Variants in ATG4D observed in about 807,000 individuals in gnomAD.
The protein encoded by ATG4D is autophagy related 4D cysteine peptidase.
In ATG4D, 51 loss-of-function variants were observed where a neutral mutation model predicts 55.2. That is an observed-to-expected ratio of 0.92 (90% confidence interval 0.74 to 1.17). The LOEUF is 1.17. Among genes scored for constraint, ATG4D ranks in the 50% most tolerant of loss-of-function variants. ATG4D has a pLI of 0.00. For missense variants in ATG4D, 635 were observed against 649.6 expected (o/e 0.98, Z 0.25); for synonymous variants, 268 against 266.2 (o/e 1.01, Z -0.07).
chr19:10,549,377 C>T (rs1916150819), intron 6 of ATG4D, among the ~76,000 whole-genome samples: 1 of 152,104 alleles, frequency 6.6e-6, no homozygotes, highest in South Asian at 2.1e-4. Flanking sequence ...CCCACCTCGG[C>T]CTCCCAAAGT....
Position 10,544,243 on chromosome 19 carries a change from T to C in ATG4D, c.153T>C (p.Ser51=). Residue 51 remains serine, a synonymous_variant, in exon 1 of 10, where the codon TCT becomes TCC. Coordinates refer to ENST00000309469, the MANE Select transcript of ATG4D (RefSeq NM_032885.6). ...PSGASGPALG[S]PGAGPSEPDE... ...GAGCCAGCGGCCCCGCTCTTGGCTC[T>C]CCCGGGGCTGGCCCGAGTGAGCCGG... The C allele has an allele frequency of 7.9e-7, 1 of 1,260,708 alleles. No homozygotes were observed. The highest frequency in any genetic ancestry group is 1.0e-6 in the Non-Finnish European group (1 of 994,646). The allele number at this position is 1,260,708 out of a possible 1,614,324, so 78.1% of individuals were successfully genotyped here. A position where few individuals can be genotyped will look rare whatever the true frequency, so the allele number is the denominator to read the frequency against.
At chr19:10,549,427 T>A (rs2144692353) in intron 6 of ATG4D, among the ~76,000 whole-genome samples, 1 of 146,032 alleles carries the variant, frequency 6.8e-6, no homozygotes, top group East Asian at 2.0e-4. Context: ...GGGCCATCCC[T>A]TTTTTTTTGA....
At chr19:10,547,283 GC>G in intron 5 of ATG4D, 30 bp downstream of exon 5, 1 of 1,605,122 alleles carries the variant, frequency 6.2e-7, no homozygotes. Context: ...GATCACAGGG[GC>G]CCCACCCTGA....
In ATG4D at chr19:10,548,914, G is replaced by A. The variant is rs531176373; in HGVS notation, c.846G>A (p.Ala282=). 1.9e-5 allele frequency: 30 copies of A among 1,614,072 alleles called. No homozygotes were observed. In the Admixed American group the frequency reaches 2.8e-4, roughly 15 times the overall value. The change falls in exon 6 of 10, where the codon GCG becomes GCA. Residue 282 remains alanine (A), a synonymous_variant. Coordinates refer to ENST00000309469, the MANE Select transcript of ATG4D (RefSeq NM_032885.6). ...YVSQDCTVYK[A]DVARLVARPD... ...GTCCCGTCCCTCCAGTGTACAAGGC[G>A]GATGTGGCACGCCTGGTGGCCAGGC... is the stretch of plus-strand genomic sequence containing the variant.
In ATG4D at chr19:10,551,750, C is replaced by T. The variant is rs901311967; in HGVS notation, c.967-147C>T. ...GTAATCATCTTCCTTGTTAGTCTCT[C>T]ACACTAGGATGTCAGCTCCTGAGGG... On this transcript the variant is annotated intron_variant, in intron 6 of 9. Coordinates refer to ENST00000309469, the MANE Select transcript of ATG4D (RefSeq NM_032885.6). The T allele has an allele frequency of 1.1e-5, 7 of 649,432 alleles. No homozygotes were observed. The African/African-American group carries it at 1.1e-4, about 10-fold the overall frequency. 40.2% of individuals were successfully genotyped at this position (649,432 alleles called of 1,614,324 possible).
Position 10,552,930 on chromosome 19 carries a change from C to G in ATG4D, c.1288C>G (p.Leu430Val). ...SATERYPMFT[L>V]AEGHAQDHSL... ...CACAGAGCGGTACCCCATGTTCACC[C>G]TGGCCGAGGGCCATGCTCAGGACCA... Residue 430 changes from leucine (L) to valine (V), a missense_variant, in exon 10 of 10, where the codon CTG becomes GTG. By Grantham distance (32) the Leu-to-Val change is conservative. Transcript: ENST00000309469. The G allele has an allele frequency of 6.2e-7, 1 of 1,613,602 alleles. No individual in the cohort carries two copies. The highest frequency in any genetic ancestry group is 2.2e-5 in the East Asian group (1 of 44,876).
rs199919816 is a variant in ATG4D at position 10,547,221 on chromosome 19, G to T, written c.803G>T (p.Arg268Leu). ...GTGGAGAGCTGCTCCGACGTCACCC[G>T]CCTGGTGGTGTACGTTTCTCAGGAC... ...KAVESCSDVT[R>L]LVVYVSQDCT... Residue 268 changes from arginine to leucine, a missense_variant, in exon 5 of 10, where the codon CGC (arginine) becomes CTC (leucine). Arg to Leu is a moderately radical substitution (Grantham distance 102). Coordinates refer to ENST00000309469, the MANE Select transcript of ATG4D (RefSeq NM_032885.6). The T allele has an allele frequency of 3.5e-5, 56 of 1,613,808 alleles. No homozygotes were observed. Among genetic ancestry groups the T allele is most frequent in the Non-Finnish European group, 4.5e-5 (53 of 1,179,944 alleles).
intron 9 of ATG4D, 36 bp downstream of exon 9, chr19:10,552,360 G>T (rs1167483212): frequency 1.3e-6 from 2 of 1,592,648 alleles, no homozygotes; most frequent in Non-Finnish European, 8.5e-7. Context: ...GGTGAGGGGG[G>T]CGGTTGGGCA....
chr19:10,552,073 C>T lies in ATG4D; in HGVS notation c.1074C>T (p.His358=). 6.2e-7 allele frequency: 1 copy of T among 1,611,732 alleles called. No individual in the cohort carries two copies. Among genetic ancestry groups the T allele is most frequent in the South Asian group, 1.1e-5 (1 of 91,066 alleles). Residue 358 remains histidine (H), a synonymous_variant, in exon 8 of 10, where the codon CAC becomes CAT. Transcript: ENST00000309469. ...QDDFLLYLDP[H]YCQPTVDVSQ... ...ACTTCCTGCTGTACCTGGACCCTCA[C>T]TACTGCCAGCCCACTGTGGATGTCA... is the stretch of plus-strand genomic sequence containing the variant.
intron 5 of ATG4D, among the ~76,000 whole-genome samples, chr19:10,547,581 T>C (rs62128796): frequency 0.13 from 18,831 of 141,610 alleles, 1,339 homozygotes; most frequent in Middle Eastern, 0.21. Context: ...TGAGCTGTCA[T>C]TATGCCATTG....
chr19:10,552,280 G>A lies in ATG4D; in HGVS notation c.1198G>A (p.Gly400Arg), dbSNP rs1599525102. The change falls in exon 9 of 10, where the codon GGA becomes AGA. Residue 400 changes from glycine (G) to arginine (R), a missense_variant. By Grantham distance (125) the Gly-to-Arg change is moderately radical. Transcript: ENST00000309469. ...DPSCTVGFYA[G>R]DRKEFETLCS... Reference sequence around the variant, plus strand: ...AAGCTGTACCGTGGGCTTCTATGCTGGAGACAGGAAGGAGTTTGAGACACT... The same window carrying A: ...AAGCTGTACCGTGGGCTTCTATGCTAGAGACAGGAAGGAGTTTGAGACACT... 2 of 1,613,618 alleles carry A rather than the reference G, an allele frequency of 1.2e-6. No individual in the cohort carries two copies. The highest frequency in any genetic ancestry group is 1.7e-6 in the Non-Finnish European group (2 of 1,180,022).
At chr19:10,548,325 G>A (rs533956416) in intron 5 of ATG4D, among the ~76,000 whole-genome samples, 25 of 152,034 alleles carry the variant, frequency 1.6e-4, no homozygotes, top group South Asian at 8.3e-4. Flanking sequence ...GAGCCACCGT[G>A]CCCGGCTACC....
At position 10,553,164 on chromosome 19, in the gene ATG4D, TC is replaced by T. The variant is rs1233903558; in HGVS notation, c.*99del. The T allele has an allele frequency of 2.1e-6, 3 of 1,402,820 alleles. No individual in the cohort carries two copies. The highest frequency in any genetic ancestry group is 2.9e-5 in the African/African-American group (2 of 69,242). 86.9% of individuals were successfully genotyped at this position (1,402,820 alleles called of 1,614,324 possible). A position where few individuals can be genotyped will look rare whatever the true frequency, so the allele number is the denominator to read the frequency against. Reference sequence around the variant, plus strand: ...GAGCTCTGGCAGTGATGATGGTACTTCCTGTTGTCAGCCCCTCAAGCCCAGC... The same window carrying T: ...GAGCTCTGGCAGTGATGATGGTACTTCTGTTGTCAGCCCCTCAAGCCCAGC... On this transcript the variant is annotated 3_prime_UTR_variant, in exon 10 of 10. Transcript: ENST00000309469.
In ATG4D at chr19:10,552,189, C is replaced by A. The variant is rs376707293; in HGVS notation, c.1123-16C>A. On this transcript the variant is annotated splice_polypyrimidine_tract_variant and intron_variant, in intron 8 of 9. Coordinates refer to ENST00000309469, the MANE Select transcript of ATG4D (RefSeq NM_032885.6). ...GGCAGCCCAGCCTCTGAGCCTTCCT[C>A]GTCTGTCTGCCCCAGTCCTTCCACT... is the stretch of plus-strand genomic sequence containing the variant. 1 of 1,611,476 alleles carries A rather than the reference C, an allele frequency of 6.2e-7. No homozygotes were observed. The highest frequency in any genetic ancestry group is 8.5e-7 in the Non-Finnish European group (1 of 1,179,978).
chr19:10,544,090 C>T lies in ATG4D; in HGVS notation c.-1C>T, dbSNP rs1336076388. 2 of 1,239,096 alleles carry T rather than the reference C, an allele frequency of 1.6e-6. No individual in the cohort carries two copies. The allele number at this position is 1,239,096 out of a possible 1,614,324, so 76.8% of individuals were successfully genotyped here. ...CCTCGGTCCGCCCTCCCGGCGCGTC[C>T]ATGAACTCAGTGTCGCCGGCCGCCG... On this transcript the variant is annotated 5_prime_UTR_variant, in exon 1 of 10. Transcript: ENST00000309469.
At chr19:10,544,710 T>A (rs754347608) in intron 1 of ATG4D, 73 bp from the exon 2 acceptor site, 8 of 1,596,146 alleles carry the variant, frequency 5.0e-6, no homozygotes, top group Non-Finnish European at 6.8e-6. Context: ...ATTTCACAGA[T>A]GGGGGAATGG....
At chr19:10,552,174 CCT>C (rs1568418251) in intron 8 of ATG4D, 29 bp from the exon 9 acceptor site, 2 of 1,610,294 alleles carry the variant, frequency 1.2e-6, no homozygotes, top group East Asian at 2.2e-5. Context: ...GGCAGCCCAG[CCT>C]CTGAGCCTTC....
intron 1 of ATG4D, 21 bp from the exon 2 acceptor site, chr19:10,544,762 G>A (rs538380349): frequency 5.0e-6 from 8 of 1,613,342 alleles, no homozygotes; most frequent in East Asian, 2.2e-5. Flanking sequence ...CTCGCTGGGC[G>A]CTGCCCCTAC....
Position 10,553,023 on chromosome 19 carries a change from C to T in ATG4D, c.1381C>T (p.Leu461Phe), listed in dbSNP as rs752690803. Residue 461 changes from leucine (L) to phenylalanine (F), a missense_variant, in exon 10 of 10, where the codon CTC (leucine) becomes TTC (phenylalanine). Transcript: ENST00000309469. ...TLRLPRTGRL[L>F]RAKRPSSEDF... is the part of the protein sequence containing the mutation. Reference sequence around the variant, plus strand: ...CCGGCTCCCTCGCACAGGGCGGCTCCTCAGGGCCAAACGCCCCAGCTCTGA... The same window carrying T: ...CCGGCTCCCTCGCACAGGGCGGCTCTTCAGGGCCAAACGCCCCAGCTCTGA... The T allele has an allele frequency of 1.9e-6, 3 of 1,612,242 alleles. No individual in the cohort carries two copies. The highest frequency in any genetic ancestry group is 2.2e-5 in the South Asian group (2 of 91,076).
Sources: allele counts gnomAD v4.1 joint callset (sites outside exome capture counted in the v4.1 genomes callset), GRCh38; gene constraint gnomAD v4.1.1; transcripts MANE v1.5; gene names NCBI Gene and HGNC (gene_info 2026-07-23, HGNC 2026-07-21).